TBC1D22B: variants seen among roughly 807,000 people sequenced by gnomAD.
TBC1D22B encodes the protein TBC1 domain family member 22B.
TBC1D22B carries 32 observed loss-of-function variants against 69.1 expected under a neutral mutation model. The ratio of observed to expected loss-of-function variants is 0.46; its 90% CI spans 0.35 to 0.62. The LOEUF (loss-of-function observed/expected upper bound fraction) is 0.62. Among genes scored for constraint, TBC1D22B ranks in the 20% least tolerant of loss-of-function variants. TBC1D22B has a pLI of 0.00. For missense variants in TBC1D22B, 462 were observed against 630.9 expected (o/e 0.73, Z 2.87); for synonymous variants, 206 against 229.8 (o/e 0.90, Z 0.94).
intron 12 of TBC1D22B, among the ~76,000 whole-genome samples, chr6:37,325,946 T>A (rs967521540): frequency 6.6e-6 from 1 of 152,044 alleles, no homozygotes; most frequent in Non-Finnish European, 1.5e-5. Flanking sequence ...GGTGGCAGAG[T>A]GGTTCCTTAC....
intron 12 of TBC1D22B, among the ~76,000 whole-genome samples, chr6:37,326,109 C>T (rs1314073912): frequency 2.6e-5 from 4 of 152,044 alleles, no homozygotes; most frequent in East Asian, 1.9e-4. Context: ...CGGCTGGGCG[C>T]GGTGGCTCAC....
At chr6:37,313,964 G>A in intron 10 of TBC1D22B, 73 bp downstream of exon 10, 2 of 1,395,916 alleles carry the variant, frequency 1.4e-6, no homozygotes, top group East Asian at 4.6e-5. Flanking sequence ...GTGCTTGTGG[G>A]TCCTCTCCTC....
At chr6:37,266,060 C>T (rs1010661052) in intron 1 of TBC1D22B, among the ~76,000 whole-genome samples, 11 of 152,174 alleles carry the variant, frequency 7.2e-5, no homozygotes, top group Non-Finnish European at 1.3e-4. Flanking sequence ...TCACTTCCTG[C>T]TTAACATTAA....
chr6:37,317,347 C>T (rs1768112733), intron 12 of TBC1D22B, 141 bp downstream of exon 12: 5 of 802,938 alleles, frequency 6.2e-6, no homozygotes, highest in Non-Finnish European at 1.0e-5. Context: ...CTGAAGGGGT[C>T]GTCCCTCTTA....
intron 6 of TBC1D22B, among the ~76,000 whole-genome samples, chr6:37,285,036 T>G (rs1435488174): frequency 3.3e-5 from 5 of 152,174 alleles, no homozygotes; most frequent in Non-Finnish European, 1.5e-5. Context: ...ATAATGGTCC[T>G]CATGGTCTGC....
At chr6:37,310,883 A>G (rs1475116214) in intron 8 of TBC1D22B, among the ~76,000 whole-genome samples, 3 of 152,384 alleles carry the variant, frequency 2.0e-5, no homozygotes, top group African/African-American at 4.8e-5. Flanking sequence ...GAAAAGTCCA[A>G]TAAAGCTTTA....
chr6:37,283,047 A>G (rs1766886981), intron 5 of TBC1D22B, 95 bp downstream of exon 5: 1 of 982,836 alleles, frequency 1.0e-6, no homozygotes. Context: ...AACTCCATAG[A>G]CTTCTCTAGT....
chr6:37,322,005 T>C (rs2055272), intron 12 of TBC1D22B, among the ~76,000 whole-genome samples: 97,688 of 152,064 alleles, frequency 0.64, 31,584 homozygotes, highest in East Asian at 0.85. Flanking sequence ...GTAAGAGCGC[T>C]CGAACCTACC....
intron 8 of TBC1D22B, among the ~76,000 whole-genome samples, chr6:37,304,419 C>A (rs918582736): frequency 6.6e-6 from 1 of 152,168 alleles, no homozygotes; most frequent in African/African-American, 2.4e-5. Flanking sequence ...AACAGATATC[C>A]ATACCACAGA....
intron 8 of TBC1D22B, among the ~76,000 whole-genome samples, chr6:37,303,123 A>T (rs1363892254): frequency 6.6e-6 from 1 of 152,152 alleles, no homozygotes; most frequent in Non-Finnish European, 1.5e-5. Flanking sequence ...TTTGAACTTA[A>T]TCTCGTGGGC....
chr6:37,263,992 G>A (rs1175035211), intron 1 of TBC1D22B, among the ~76,000 whole-genome samples: 1 of 151,828 alleles, frequency 6.6e-6, no homozygotes, highest in Admixed American at 6.6e-5. Context: ...CTTTGTGTTT[G>A]AAAATGTCAA....
In TBC1D22B at chr6:37,331,891, A is replaced by G. The variant is rs1199286685; in HGVS notation, c.*719A>G. ...TAGTTGGGAAGGGCCCCAGTGACCA[A>G]GTGTATAAGCATCCCTTGAAGAGGG... On this transcript the variant is annotated 3_prime_UTR_variant, in exon 13 of 13. Coordinates refer to ENST00000373491, the MANE Select transcript of TBC1D22B (RefSeq NM_017772.4). 6.6e-6 allele frequency: 1 copy of G among 152,564 alleles called. No individual in the cohort carries two copies. The highest frequency in any genetic ancestry group is 2.4e-5 in the African/African-American group (1 of 41,414). The allele number at this position is 152,564 out of a possible 1,614,324, so 9.5% of individuals were successfully genotyped here.
intron 8 of TBC1D22B, among the ~76,000 whole-genome samples, chr6:37,306,994 C>A (rs1004055807): frequency 3.9e-5 from 6 of 152,212 alleles, no homozygotes; most frequent in African/African-American, 1.4e-4. Flanking sequence ...CTCTCAGAGA[C>A]CAGCTCCCCC....
intron 8 of TBC1D22B, among the ~76,000 whole-genome samples, chr6:37,300,120 G>A (rs1460819712): frequency 6.6e-6 from 1 of 151,272 alleles, no homozygotes; most frequent in Non-Finnish European, 1.5e-5. Flanking sequence ...TTTCTTGTAT[G>A]ATGAGAACTG....
intron 12 of TBC1D22B, among the ~76,000 whole-genome samples, chr6:37,330,279 G>A (rs754524075): frequency 3.2e-5 from 4 of 125,752 alleles, no homozygotes; most frequent in South Asian, 2.5e-4. Flanking sequence ...TCACTCAGTC[G>A]CCAGGCTGGA....
intron 12 of TBC1D22B, among the ~76,000 whole-genome samples, chr6:37,322,541 T>G (rs1768281089): frequency 6.6e-6 from 1 of 152,050 alleles, no homozygotes; most frequent in South Asian, 2.1e-4. Flanking sequence ...AAAAAGGAAG[T>G]AAGCAAAGGG....
intron 8 of TBC1D22B, among the ~76,000 whole-genome samples, chr6:37,302,380 T>C (rs1767595163): frequency 6.6e-6 from 1 of 152,146 alleles, no homozygotes; most frequent in Non-Finnish European, 1.5e-5. Context: ...CTAAACTCTT[T>C]CCTCCAAGAG....
chr6:37,328,667 T>C (rs1768497701), intron 12 of TBC1D22B, among the ~76,000 whole-genome samples: 1 of 152,172 alleles, frequency 6.6e-6, no homozygotes, highest in African/African-American at 2.4e-5. Flanking sequence ...TATGCCAAAA[T>C]GTTTTAAAAT....
rs780223187 is a variant in TBC1D22B, at chr6:37,279,436, A to G, written c.246A>G (p.Ser82=). ...ATGATGAGGAAGAGGACTTTTCCTCACCTTCTTTCCAAACTCTGAACTCAA... is the reference window on the plus strand; with the variant it reads ...ATGATGAGGAAGAGGACTTTTCCTCGCCTTCTTTCCAAACTCTGAACTCAA... ...IGDDEEEDFS[S]PSFQTLNSKV... The change falls in exon 3 of 13, where the codon TCA becomes TCG. Residue 82 remains serine, a synonymous_variant. Coordinates refer to ENST00000373491, the MANE Select transcript of TBC1D22B (RefSeq NM_017772.4). The G allele has an allele frequency of 6.2e-7, 1 of 1,614,204 alleles. No individual in the cohort carries two copies. The highest frequency in any genetic ancestry group is 8.5e-7 in the Non-Finnish European group (1 of 1,180,044).
Sources: allele counts gnomAD v4.1 joint callset (sites outside exome capture counted in the v4.1 genomes callset), GRCh38; gene constraint gnomAD v4.1.1; transcripts MANE v1.5; gene names NCBI Gene and HGNC (gene_info 2026-07-23, HGNC 2026-07-21).